GCN1: variants seen among roughly 807,000 people sequenced by gnomAD.
The protein encoded by GCN1 is GCN1 activator of EIF2AK4.
A neutral mutation model predicts 288.4 loss-of-function variants in GCN1; 90 were observed. The ratio of observed to expected loss-of-function variants is 0.31; its 90% confidence interval spans 0.26 to 0.37. The LOEUF (loss-of-function observed/expected upper bound fraction) is 0.37. Among genes scored for constraint, GCN1 ranks in the 10% least tolerant of loss-of-function variants. The pLI, the probability that GCN1 is intolerant of heterozygous loss-of-function variation, is 1.00. For missense variants in GCN1, 2,586 were observed against 3,419.9 expected, an observed-to-expected ratio of 0.76 and a Z score of 6.08; for synonymous variants, 1,386 against 1,420.2, an observed-to-expected ratio of 0.98 and a Z score of 0.54.
In GCN1 at chr12:120,129,261, C is replaced by A. The variant is rs1876730170; in HGVS notation, c.7890+15G>T. On this transcript the variant is annotated intron_variant, in intron 57 of 57. Coordinates refer to ENST00000300648, the MANE Select transcript of GCN1 (RefSeq NM_006836.2). The stretch of plus-strand genomic sequence containing the variant: ...TGCTCACAGCACATCCTGGTGAGGC[C>A]CCCCAGGCTCCCACCTGAAACACCT... 6.3e-7 allele frequency: 1 copy of A among 1,584,580 alleles called. No individual in the cohort carries two copies. Among genetic ancestry groups the A allele is most frequent in the Admixed American group, 1.7e-5 (1 of 59,902 alleles).
chr12:120,140,764 C>G, intron 45 of GCN1, 95 bp downstream of exon 45: 2 of 1,212,052 alleles, frequency 1.7e-6, no homozygotes, highest in Admixed American at 2.1e-5. Flanking sequence ...CAGCACAAAC[C>G]CCCTAGAGGT....
In GCN1 at chr12:120,161,565, TA is replaced by T; in HGVS notation, c.2360del (p.Ile787LysfsTer6). 6.2e-7 allele frequency: 1 copy of T among 1,613,648 alleles called. No homozygotes were observed. Among genetic ancestry groups the T allele is most frequent in the Non-Finnish European group, 8.5e-7 (1 of 1,179,530 alleles). ...SIIQSAQQDSIKKANMKRENK... is the reference protein window; with the variant it reads ...SIIQSAQQDSXKKANMKRENK... ...TCTCTCGCTTCATGTTGGCCTTTTT[TA>T]TGCTGTCCTGCTGGGCACTGAAACA... On this transcript the variant is annotated frameshift_variant, in exon 22 of 58. Coordinates refer to ENST00000300648, the MANE Select transcript of GCN1 (RefSeq NM_006836.2). LOFTEE classifies it high-confidence loss of function.
Position 120,158,451 on chromosome 12 carries a change from A to G in GCN1, c.2905+9T>C. On this transcript the variant is annotated intron_variant, in intron 25 of 57. Coordinates refer to ENST00000300648, the MANE Select transcript of GCN1 (RefSeq NM_006836.2). This position sits in a 1 kb window ranked among gnomAD's most constrained non-coding sequence, Gnocchi z 4.3. ...CGCCTGGTGCCCCTGATCCCGTCCC[A>G]GCCCTTACCTGGCTCCCCCTTGCCC... The G allele has an allele frequency of 6.5e-7, 1 of 1,545,460 alleles. No individual in the cohort carries two copies. Among genetic ancestry groups the G allele is most frequent in the Non-Finnish European group, 8.7e-7 (1 of 1,143,790 alleles).
chr12:120,140,755 A>G (rs1013183025), intron 45 of GCN1, 104 bp downstream of exon 45: 10 of 1,093,052 alleles, frequency 9.1e-6, no homozygotes, highest in South Asian at 1.5e-5. Flanking sequence ...CCCTGAGGGC[A>G]GCACAAACCC....
intron 56 of GCN1, 111 bp downstream of exon 56, chr12:120,130,535 C>T (rs1322263726): frequency 4.4e-5 from 32 of 735,492 alleles, no homozygotes; most frequent in South Asian, 1.2e-4. Flanking sequence ...AGGCCGTCCA[C>T]GGAGAACTAG....
chr12:120,134,796 G>T lies in GCN1; in HGVS notation c.7009-70C>A. Reference sequence around the variant, plus strand: ...CAAAGCCACAGTGTACCACAGGCATGAGAACAAATGACAATCCCAAACCAC... The same window carrying T: ...CAAAGCCACAGTGTACCACAGGCATTAGAACAAATGACAATCCCAAACCAC... On this transcript the variant is annotated intron_variant, in intron 51 of 57. Coordinates refer to ENST00000300648, the MANE Select transcript of GCN1 (RefSeq NM_006836.2). The surrounding 1 kb of genome is among the most constrained non-coding windows in gnomAD (Gnocchi z 5.0). The T allele has an allele frequency of 7.6e-7, 1 of 1,308,996 alleles. No homozygotes were observed. Among genetic ancestry groups the T allele is most frequent in the Non-Finnish European group, 1.1e-6 (1 of 912,426 alleles). 81.1% of individuals were successfully genotyped at this position (1,308,996 alleles called of 1,614,324 possible). A position where few individuals can be genotyped will look rare whatever the true frequency, so the allele number is the denominator to read the frequency against.
chr12:120,172,342 A>C (rs972241249), intron 14 of GCN1, among the ~76,000 whole-genome samples: 1 of 152,218 alleles, frequency 6.6e-6, no homozygotes, highest in Admixed American at 6.5e-5. Flanking sequence ...GCTGGGAGAC[A>C]TATTTCAGAA....
At position 120,153,241 on chromosome 12, in the gene GCN1, A is replaced by G; in HGVS notation, c.4034T>C (p.Ile1345Thr). The change falls in exon 33 of 58, where the codon ATC becomes ACC. Residue 1345 changes from isoleucine to threonine, a missense_variant. Ile to Thr is a moderately conservative substitution (Grantham distance 89). Coordinates refer to ENST00000300648, the MANE Select transcript of GCN1 (RefSeq NM_006836.2). The surrounding 1 kb of genome is among the most constrained non-coding windows in gnomAD (Gnocchi z 4.4). ...CTGGGAGGGGGTGGAGAGGGCAGCG[A>G]TGAGCTTGGCAACAATGGGCTTCAC... is the stretch of plus-strand genomic sequence containing the variant. ...PKVKPIVAKL[I>T]AALSTPSQQV... 6.2e-7 allele frequency: 1 copy of G among 1,614,186 alleles called. No homozygotes were observed. Among genetic ancestry groups the G allele is most frequent in the Non-Finnish European group, 8.5e-7 (1 of 1,180,026 alleles).
Position 120,151,156 on chromosome 12 carries a change from C to A in GCN1, c.4298G>T (p.Arg1433Leu). Reference sequence around the variant, plus strand: ...TCAGAGATGCTCACCCTCTCGCCGGCGGAAGTTCTTCTTATCTTGGATGGC... The same window carrying A: ...TCAGAGATGCTCACCCTCTCGCCGGAGGAAGTTCTTCTTATCTTGGATGGC... ...TDAIQDKKNFRRREGALFAFE... is the reference protein window; with the variant it reads ...TDAIQDKKNFLRREGALFAFE... Residue 1433 changes from arginine (R) to leucine (L), a missense_variant, in exon 34 of 58, where the codon CGC (arginine) becomes CTC (leucine). This residue lies in a region of GCN1 where 371 missense variants were observed against 572.6 expected (regional missense o/e 0.65). Transcript: ENST00000300648. 6.2e-7 allele frequency: 1 copy of A among 1,613,410 alleles called. No individual in the cohort carries two copies. Among genetic ancestry groups the A allele is most frequent in the Non-Finnish European group, 8.5e-7 (1 of 1,179,898 alleles).
intron 7 of GCN1, 163 bp from the exon 8 acceptor site, chr12:120,177,915 C>T: frequency 1.6e-6 from 1 of 637,550 alleles, no homozygotes; most frequent in Non-Finnish European, 2.8e-6. Context: ...CCACTTAAAA[C>T]CCTTCCACAG....
intron 16 of GCN1, among the ~76,000 whole-genome samples, chr12:120,165,367 A>C (rs1056191007): frequency 6.6e-6 from 1 of 152,102 alleles, no homozygotes; most frequent in African/African-American, 2.4e-5. Flanking sequence ...ACGGGGTTTC[A>C]CCAGGTTGGC....
At chr12:120,149,093 T>G (rs1877452406) in intron 36 of GCN1, among the ~76,000 whole-genome samples, 1 of 139,276 alleles carries the variant, frequency 7.2e-6, no homozygotes, top group African/African-American at 3.0e-5. Flanking sequence ...AAAAAGAGCT[T>G]TCCTGGGGGG....
At chr12:120,179,369 T>A (rs1878579211) in intron 5 of GCN1, among the ~76,000 whole-genome samples, 1 of 151,076 alleles carries the variant, frequency 6.6e-6, no homozygotes, top group South Asian at 2.1e-4. Context: ...TAGCTGGGAC[T>A]ACAGGTGCGT....
In GCN1 at chr12:120,158,121, C is replaced by T. The variant is rs942246187; in HGVS notation, c.2906-91G>A. 64 of 1,315,272 alleles carry T rather than the reference C, an allele frequency of 4.9e-5. No homozygotes were observed. Among genetic ancestry groups the T allele is most frequent in the Non-Finnish European group, 6.2e-5 (58 of 938,372 alleles). 81.5% of individuals were successfully genotyped at this position (1,315,272 alleles called of 1,614,324 possible). ...TTCTATCCTCAGGGAAAGTAGGGAA[C>T]GGATGGACCAGAGGCCCGTTCTGAC... On this transcript the variant is annotated intron_variant, in intron 25 of 57. Transcript: ENST00000300648. This position sits in a 1 kb window ranked among gnomAD's most constrained non-coding sequence, Gnocchi z 4.3.
intron 7 of GCN1, among the ~76,000 whole-genome samples, chr12:120,177,977 G>A (rs978098982): frequency 2.6e-5 from 4 of 151,980 alleles, no homozygotes; most frequent in Non-Finnish European, 5.9e-5. Context: ...GGCTTATAAG[G>A]TCCTGCCCAC....
chr12:120,190,388 G>A lies in GCN1; in HGVS notation c.31C>T (p.Leu11=), dbSNP rs200653076. 7 of 1,597,300 alleles carry A rather than the reference G, an allele frequency of 4.4e-6. No homozygotes were observed. The highest frequency in any genetic ancestry group is 1.1e-5 in the South Asian group (1 of 90,722). The part of the protein sequence containing the change: MAADTQVSET[L]KRFAGKVTTA... ...GTCACCTTCCCTGCAAAACGCTTTA[G>A]TGTCTCGGAAACCTGTGAAGGCCAA... Residue 11 remains leucine, a synonymous_variant, in exon 2 of 58, where the codon CTA becomes TTA. Transcript: ENST00000300648.
At chr12:120,141,255 C>T (rs1877185597) in intron 44 of GCN1, among the ~76,000 whole-genome samples, 1 of 152,172 alleles carries the variant, frequency 6.6e-6, no homozygotes, top group South Asian at 2.1e-4. Context: ...ACATTAAGAG[C>T]CAGCAGCACC....
rs777207368 is a variant in GCN1 at position 120,151,254 on chromosome 12, G to A, written c.4200C>T (p.Gly1400=). 3.7e-6 allele frequency: 6 copies of A among 1,614,174 alleles called. No homozygotes were observed. Among genetic ancestry groups the A allele is most frequent in the South Asian group, 1.1e-5 (1 of 91,088 alleles). The change falls in exon 34 of 58, where the codon GGC becomes GGT. Residue 1400 remains glycine, a synonymous_variant. Coordinates refer to ENST00000300648, the MANE Select transcript of GCN1 (RefSeq NM_006836.2). ...KYAERKGAAY[G]LAGLVKGLGI... is the part of the protein sequence containing the mutation. ...CCAGGCCCTTCACCAGGCCCGCCAGGCCATAGGCGGCCCCTTTGCGCTCTG... is the reference window on the plus strand; with the variant it reads ...CCAGGCCCTTCACCAGGCCCGCCAGACCATAGGCGGCCCCTTTGCGCTCTG...
At position 120,178,417 on chromosome 12, in the gene GCN1, A is replaced by C. The variant is rs566460595; in HGVS notation, c.660+208T>G. Reference sequence around the variant, plus strand: ...GCATGAACAAGCAAACTATCACCCAAGCCAGAAACAGAAGGGAAACTTTCC... The same window carrying C: ...GCATGAACAAGCAAACTATCACCCACGCCAGAAACAGAAGGGAAACTTTCC... On this transcript the variant is annotated intron_variant, in intron 7 of 57. Coordinates refer to ENST00000300648, the MANE Select transcript of GCN1 (RefSeq NM_006836.2). 1.7e-4 allele frequency among the ~76,000 whole-genome samples: 26 copies of C among 152,370 alleles called. No homozygotes were observed. The South Asian group carries it at 5.2e-3, about 30-fold the overall frequency.
Sources: allele counts gnomAD v4.1 joint callset (sites outside exome capture counted in the v4.1 genomes callset), GRCh38; gene constraint gnomAD v4.1.1; regional missense constraint gnomAD v4.1.1; non-coding constraint Gnocchi (gnomAD v3.1); transcripts MANE v1.5; gene names NCBI Gene and HGNC (gene_info 2026-07-23, HGNC 2026-07-21).